Variants in GSE1 observed in about 807,000 individuals in gnomAD.
GSE1 encodes Gse1 coiled-coil protein.
In GSE1, 32 loss-of-function variants were observed where a neutral mutation model predicts 112.6. The observed-to-expected ratio is 0.28, with a 90% CI of 0.21 to 0.38. GSE1 has a LOEUF of 0.38. Among genes scored for constraint, GSE1 ranks in the 10% least tolerant of loss-of-function variants. GSE1 has a pLI of 1.00. For missense variants in GSE1, 2,348 were observed against 1,699.2 expected (o/e 1.38, Z -6.71); for synonymous variants, 1,115 against 735.6 (o/e 1.52, Z -8.35).
At chr16:85,651,929 C>T (rs114275898) in intron 3 of GSE1, among the ~76,000 whole-genome samples, 281 of 152,336 alleles carry the variant, frequency 1.8e-3, no homozygotes, top group African/African-American at 6.4e-3. Flanking sequence ...CCATCCCAGA[C>T]CCTAGGAACA....
intron 1 of GSE1, among the ~76,000 whole-genome samples, chr16:85,573,444 T>C (rs141935502): frequency 6.6e-6 from 1 of 152,178 alleles, no homozygotes; most frequent in South Asian, 2.1e-4. Flanking sequence ...CATGTTTTTG[T>C]GTGTCTGTAT....
intron 2 of GSE1, among the ~76,000 whole-genome samples, chr16:85,437,793 C>G (rs1025930797): frequency 4.6e-5 from 7 of 152,216 alleles, no homozygotes; most frequent in Non-Finnish European, 1.0e-4. Flanking sequence ...CCGCCTAGAG[C>G]TAGCAGGGGC....
At chr16:85,318,782 A>G (rs923186312) in intron 1 of GSE1, among the ~76,000 whole-genome samples, 36 of 152,222 alleles carry the variant, frequency 2.4e-4, no homozygotes, top group African/African-American at 8.2e-4. Flanking sequence ...CTCACCCCCA[A>G]TGACTCCCCA....
At chr16:85,422,762 G>A (rs2048880656) in intron 2 of GSE1, among the ~76,000 whole-genome samples, 1 of 152,092 alleles carries the variant, frequency 6.6e-6, no homozygotes, top group Non-Finnish European at 1.5e-5. Flanking sequence ...AGTGAGGAGA[G>A]AGGGGTTTGG....
intron 1 of GSE1, among the ~76,000 whole-genome samples, chr16:85,567,120 C>T (rs957652571): frequency 6.7e-6 from 1 of 149,110 alleles, no homozygotes; most frequent in South Asian, 2.2e-4. Flanking sequence ...GGATTTCAAC[C>T]GCCTGTGCTG....
intron 1 of GSE1, among the ~76,000 whole-genome samples, chr16:85,187,900 G>A (rs1478764408): frequency 2.0e-5 from 3 of 152,230 alleles, no homozygotes; most frequent in Admixed American, 6.5e-5. Context: ...CTCAAAGGCC[G>A]TGGGAATGAA....
At chr16:85,501,756 A>G (rs1339307666) in intron 2 of GSE1, among the ~76,000 whole-genome samples, 3 of 152,148 alleles carry the variant, frequency 2.0e-5, no homozygotes, top group Non-Finnish European at 4.4e-5. Context: ...TTGGGTGAGA[A>G]CCGCTCGGGT....
At chr16:85,287,022 G>T (rs990994873) in intron 1 of GSE1, among the ~76,000 whole-genome samples, 2 of 152,212 alleles carry the variant, frequency 1.3e-5, no homozygotes, top group East Asian at 3.9e-4. Flanking sequence ...GGTGCCGCCC[G>T]CCACAGCTGG....
chr16:85,589,618 C>T lies in GSE1; in HGVS notation c.37+33255C>T, dbSNP rs76978963. Among the ~76,000 whole-genome samples, 7 of 151,974 alleles carry T rather than the reference C, an allele frequency of 4.6e-5. No homozygotes were observed. The East Asian group carries it at 7.7e-4, about 17-fold the overall frequency. On this transcript the variant is annotated intron_variant, in intron 1 of 2. Coordinates refer to the GSE1 transcript ENST00000635906. ...GTGTGACCCAGTGTGTGTGTGTATGCGCATATGTGTGAATGTCAGTGAATG... is the reference window on the plus strand; with the variant it reads ...GTGTGACCCAGTGTGTGTGTGTATGTGCATATGTGTGAATGTCAGTGAATG...
chr16:85,177,246 C>G (rs1242076228), intron 1 of GSE1, among the ~76,000 whole-genome samples: 1 of 152,232 alleles, frequency 6.6e-6, no homozygotes, highest in Admixed American at 6.5e-5. Context: ...GCTTAGATCT[C>G]TCAGGATCTC....
chr16:85,468,565 G>GC (rs2050190690), intron 2 of GSE1, among the ~76,000 whole-genome samples: 1 of 151,756 alleles, frequency 6.6e-6, no homozygotes, highest in Admixed American at 6.6e-5. Flanking sequence ...TGATCCACCA[G>GC]CCCCCCTCAG....
intron 1 of GSE1, among the ~76,000 whole-genome samples, chr16:85,215,458 G>A (rs1430843908): frequency 6.6e-6 from 1 of 152,164 alleles, no homozygotes; most frequent in Non-Finnish European, 1.5e-5. Context: ...TACAGTGTAC[G>A]CTACCCAGTT....
intron 1 of GSE1, among the ~76,000 whole-genome samples, chr16:85,630,742 C>T (rs941718800): frequency 4.6e-5 from 7 of 152,186 alleles, no homozygotes; most frequent in Non-Finnish European, 1.5e-5. Flanking sequence ...TGGTAATGAG[C>T]AGTGGGGGCC....
chr16:85,524,109 T>C (rs1019542368), intron 2 of GSE1, among the ~76,000 whole-genome samples: 5 of 152,164 alleles, frequency 3.3e-5, no homozygotes, highest in Non-Finnish European at 5.9e-5. Flanking sequence ...GGCCCAGGTC[T>C]GGGGGCCGGT....
intron 2 of GSE1, among the ~76,000 whole-genome samples, chr16:85,642,372 C>T (rs1310923326): frequency 1.3e-5 from 2 of 152,210 alleles, no homozygotes; most frequent in Non-Finnish European, 2.9e-5. Context: ...GAACTGATGA[C>T]AGGAAGAGCC....
At chr16:85,372,486 C>CAAAAAAA (rs3030350) in intron 2 of GSE1, among the ~76,000 whole-genome samples, 1 of 87,558 alleles carries the variant, frequency 1.1e-5, no homozygotes. Flanking sequence ...CTCTGTCTCA[C>CAAAAAAA]AAAAAAAAAA....
intron 1 of GSE1, among the ~76,000 whole-genome samples, chr16:85,333,101 C>T (rs922411226): frequency 1.3e-5 from 2 of 152,166 alleles, no homozygotes; most frequent in East Asian, 1.9e-4. Flanking sequence ...CCAGCACTCA[C>T]CCAGGGCTGC....
intron 2 of GSE1, among the ~76,000 whole-genome samples, chr16:85,402,778 C>T (rs541904278): frequency 1.9e-4 from 29 of 151,984 alleles, no homozygotes; most frequent in African/African-American, 5.6e-4. Flanking sequence ...AAAAGTTATC[C>T]GGGTGTGGCT....
intron 2 of GSE1, among the ~76,000 whole-genome samples, chr16:85,473,225 A>G (rs1385261314): frequency 6.6e-6 from 1 of 152,264 alleles, no homozygotes; most frequent in African/African-American, 2.4e-5. Flanking sequence ...TAAAAGGTAC[A>G]GGTCCCTGGC....
Sources: allele counts gnomAD v4.1 joint callset (sites outside exome capture counted in the v4.1 genomes callset), GRCh38; gene constraint gnomAD v4.1.1; transcripts MANE v1.5; gene names NCBI Gene and HGNC (gene_info 2026-07-23, HGNC 2026-07-21).